Variants in CTNNA3 observed in about 807,000 individuals in gnomAD.
CTNNA3 encodes the protein catenin alpha 3, also known as catenin alpha-3.
A neutral mutation model predicts 95.7 loss-of-function variants in CTNNA3; 76 were observed. The ratio of observed to expected loss-of-function variants is 0.79; its 90% confidence interval spans 0.66 to 0.96. The LOEUF (loss-of-function observed/expected upper bound fraction) is 0.96, where lower values mean the gene tolerates loss of function less well. Ranked by LOEUF, CTNNA3 falls within the 40% of genes least tolerant of loss-of-function variation. The pLI is 0.00. For synonymous variants in CTNNA3, 431 were observed against 374.4 expected (o/e 1.15, Z -1.74); for missense variants, 1,191 against 1,089.8 (o/e 1.09, Z -1.31).
chr10:65,921,288 T>A (rs1458331218), intron 17 of CTNNA3, among the ~76,000 whole-genome samples: 1 of 152,248 alleles, frequency 6.6e-6, no homozygotes, highest in Non-Finnish European at 1.5e-5. Flanking sequence ...GTAAGTAGTT[T>A]GTATAGAATA....
At chr10:66,464,778 A>C (rs868799688) in intron 11 of CTNNA3, among the ~76,000 whole-genome samples, 2 of 151,666 alleles carry the variant, frequency 1.3e-5, no homozygotes, top group Non-Finnish European at 2.9e-5. Context: ...AAAAAAAAAA[A>C]CAAAAACACC....
intron 13 of CTNNA3, among the ~76,000 whole-genome samples, chr10:66,168,325 G>A (rs577068639): frequency 1.1e-4 from 17 of 151,312 alleles, no homozygotes; most frequent in South Asian, 8.4e-4. Context: ...TGAATTATCC[G>A]TCCACTCATC....
At chr10:66,340,303 C>G (rs1474537582) in intron 12 of CTNNA3, among the ~76,000 whole-genome samples, 2 of 151,650 alleles carry the variant, frequency 1.3e-5, no homozygotes, top group Non-Finnish European at 3.0e-5. Flanking sequence ...TTGCAGATAC[C>G]AATTCTATGT....
rs1340217966 is a variant in CTNNA3, at chr10:66,233,972, G to C, written c.1884+46498C>G. 2.0e-5 allele frequency among the ~76,000 whole-genome samples: 3 copies of C among 152,158 alleles called. No individual in the cohort carries two copies. The East Asian group carries it at 5.8e-4, about 29-fold the overall frequency. On this transcript the variant is annotated intron_variant, in intron 13 of 17. Transcript: ENST00000433211. ...ATAGTTGAATTTCACAAACTATTTT[G>C]AATAAAATAAACCTGTTGTAAAAAT...
intron 13 of CTNNA3, among the ~76,000 whole-genome samples, chr10:66,115,582 TAGATAGATAGAGATAG>T (rs1564660710): frequency 4.6e-5 from 6 of 130,048 alleles, no homozygotes; most frequent in African/African-American, 1.7e-4. Flanking sequence ...AGATAGATGA[TAGATAGATAGAGATAG>T]AGATAGAGAT....
chr10:66,298,477 T>C (rs1488560367), intron 12 of CTNNA3, among the ~76,000 whole-genome samples: 7 of 152,276 alleles, frequency 4.6e-5, no homozygotes, highest in African/African-American at 1.7e-4. Flanking sequence ...TACATATATA[T>C]ACACACATAA....
intron 12 of CTNNA3, among the ~76,000 whole-genome samples, chr10:66,300,917 T>C (rs954112073): frequency 6.6e-6 from 1 of 151,372 alleles, no homozygotes; most frequent in African/African-American, 2.4e-5. Context: ...TCAATAAAAT[T>C]TACAAGCCCG....
chr10:66,415,091 T>G (rs2093135964), intron 11 of CTNNA3, among the ~76,000 whole-genome samples: 1 of 152,082 alleles, frequency 6.6e-6, no homozygotes, highest in Admixed American at 6.5e-5. Flanking sequence ...GGGCAGCTAC[T>G]ATAGCCTCCC....
At chr10:65,948,396 G>A (rs764129410) in intron 17 of CTNNA3, among the ~76,000 whole-genome samples, 16 of 151,662 alleles carry the variant, frequency 1.1e-4, no homozygotes, top group Non-Finnish European at 1.5e-4. Flanking sequence ...TACATAGAAA[G>A]AGTATAGATC....
At chr10:66,210,358 C>T (rs955346719) in intron 13 of CTNNA3, among the ~76,000 whole-genome samples, 2 of 151,160 alleles carry the variant, frequency 1.3e-5, no homozygotes, top group Non-Finnish European at 2.9e-5. Context: ...TCTTTGCTTA[C>T]TCTAAATAAT....
chr10:67,625,281 T>TCACAGATTAACAGATCTATGACTGGTG (rs1307170378), intron 2 of CTNNA3, among the ~76,000 whole-genome samples: 2 of 152,198 alleles, frequency 1.3e-5, no homozygotes, highest in African/African-American at 4.8e-5. Flanking sequence ...CTACTCAGTG[T>TCACAGATTAACAGATCTATGACTGGTG]CACAGATTAA....
At chr10:66,468,462 C>T (rs894963625) in intron 11 of CTNNA3, among the ~76,000 whole-genome samples, 10 of 151,718 alleles carry the variant, frequency 6.6e-5, no homozygotes, top group African/African-American at 2.4e-4. Flanking sequence ...AAAAGGGAGT[C>T]ATGGGTGGGG....
intron 7 of CTNNA3, among the ~76,000 whole-genome samples, chr10:66,915,349 G>A (rs901226234): frequency 6.6e-6 from 1 of 152,038 alleles, no homozygotes; most frequent in South Asian, 2.1e-4. Context: ...GGTATGGGAA[G>A]ACAGTAATTC....
At chr10:66,450,729 G>C (rs2131822657) in intron 11 of CTNNA3, among the ~76,000 whole-genome samples, 1 of 152,184 alleles carries the variant, frequency 6.6e-6, no homozygotes, top group East Asian at 1.9e-4. Flanking sequence ...TATTTAAAAT[G>C]CTGCCTCATT....
intron 3 of CTNNA3, among the ~76,000 whole-genome samples, chr10:67,562,009 C>T (rs1037005628): frequency 3.3e-5 from 5 of 152,056 alleles, no homozygotes; most frequent in Admixed American, 2.0e-4. Context: ...AGCTTACCAA[C>T]CAAAAAGAGT....
At chr10:66,317,528 C>CTTT (rs2092119024) in intron 12 of CTNNA3, among the ~76,000 whole-genome samples, 3 of 151,818 alleles carry the variant, frequency 2.0e-5, no homozygotes, top group Non-Finnish European at 4.4e-5. Flanking sequence ...AAAAGATTAG[C>CTTT]TGGACGTGGT....
intron 1 of CTNNA3, among the ~76,000 whole-genome samples, chr10:67,730,850 C>T (rs992830797): frequency 3.3e-5 from 5 of 151,986 alleles, no homozygotes; most frequent in Non-Finnish European, 7.4e-5. Flanking sequence ...AATCATTAAT[C>T]CCTGGGAAAA....
intron 7 of CTNNA3, among the ~76,000 whole-genome samples, chr10:66,950,860 C>T (rs1271987896): frequency 6.6e-6 from 1 of 152,114 alleles, no homozygotes; most frequent in East Asian, 1.9e-4. Context: ...GGAGTTTGGT[C>T]TTAACCCATT....
intron 13 of CTNNA3, among the ~76,000 whole-genome samples, chr10:66,212,730 A>T (rs1024801793): frequency 6.6e-6 from 1 of 152,166 alleles, no homozygotes; most frequent in African/African-American, 2.4e-5. Flanking sequence ...TTGGGCAAGC[A>T]TGGTGGCTCA....
Sources: gnomAD v4.1 joint callset for allele counts (sites outside exome capture counted in the v4.1 genomes callset) on GRCh38, gnomAD v4.1.1 for gene constraint, MANE v1.5 for transcripts, NCBI Gene and HGNC (gene_info 2026-07-23, HGNC 2026-07-21) for gene names.